MINDY4: variants seen among roughly 807,000 people sequenced by gnomAD.
MINDY4 encodes MINDY lysine 48 deubiquitinase 4.
MINDY4 carries 68 observed loss-of-function variants against 87.0 expected under a neutral mutation model. That is an observed-to-expected ratio of 0.78 (90% CI 0.64 to 0.96). The LOEUF (loss-of-function observed/expected upper bound fraction) is 0.96. MINDY4 is among the 40% of genes least tolerant of loss of function. The pLI, the probability that MINDY4 is intolerant of heterozygous loss-of-function variation, is 0.00. For missense variants in MINDY4, 919 were observed against 928.2 expected (o/e 0.99, Z 0.13); for synonymous variants, 379 against 363.2 (o/e 1.04, Z -0.50).
chr7:30,819,717 A>AT (rs1788265110), intron 5 of MINDY4, among the ~76,000 whole-genome samples: 1 of 151,938 alleles, frequency 6.6e-6, no homozygotes, highest in African/African-American at 2.4e-5. Flanking sequence ...TTTTCCTTTT[A>AT]TTATTCTCTA....
chr7:30,797,786 G>A (rs1198786413), intron 5 of MINDY4, among the ~76,000 whole-genome samples: 1 of 152,188 alleles, frequency 6.6e-6, no homozygotes, highest in African/African-American at 2.4e-5. Context: ...GAAGGCAAGT[G>A]TGGAGGCAGG....
At position 30,791,544 on chromosome 7, in the gene MINDY4, A is replaced by T. The variant is rs377214150; in HGVS notation, c.1043A>T (p.Lys348Ile). Residue 348 changes from lysine to isoleucine, a missense_variant, in exon 5 of 18, where the codon AAA (lysine) becomes ATA (isoleucine). Physicochemically the swap from Lys to Ile is moderately radical, Grantham distance 102. Transcript: ENST00000265299. Reference protein sequence around the residue: ...MTQERLERAFKRQGSQPAPVR... With the variant: ...MTQERLERAFIRQGSQPAPVR... The stretch of plus-strand genomic sequence containing the variant: ...CAGGAGAGGCTGGAAAGAGCGTTCA[A>T]ACGGCAGGGCAGCCAGCCCGCACCT... The T allele has an allele frequency of 1.2e-6, 2 of 1,613,430 alleles. No individual in the cohort carries two copies. Among genetic ancestry groups the T allele is most frequent in the African/African-American group, 2.7e-5 (2 of 75,020 alleles).
intron 5 of MINDY4, among the ~76,000 whole-genome samples, chr7:30,819,747 A>G (rs1024718581): frequency 6.6e-6 from 1 of 152,134 alleles, no homozygotes; most frequent in African/African-American, 2.4e-5. Flanking sequence ...TTTATCACTA[A>G]TAACACTTTT....
At chr7:30,810,248 C>T (rs1038987017) in intron 5 of MINDY4, among the ~76,000 whole-genome samples, 7 of 140,964 alleles carry the variant, frequency 5.0e-5, no homozygotes, top group African/African-American at 1.3e-4. Context: ...GAGTTGTCTG[C>T]GAAAGTCGTG....
intron 5 of MINDY4, among the ~76,000 whole-genome samples, chr7:30,819,209 T>TA (rs1220243142): frequency 6.6e-6 from 1 of 152,240 alleles, no homozygotes; most frequent in Non-Finnish European, 1.5e-5. Flanking sequence ...CATATTACTT[T>TA]AACTGCTTCC....
In MINDY4 at chr7:30,892,156, A is replaced by G; in HGVS notation, c.*151A>G. ...CATCCAGAGCCTCCCTGCCCCTTCCATGAAGGGCCCACCCAAGACTGTGCT... is the reference window on the plus strand; with the variant it reads ...CATCCAGAGCCTCCCTGCCCCTTCCGTGAAGGGCCCACCCAAGACTGTGCT... On this transcript the variant is annotated 3_prime_UTR_variant, in exon 18 of 18. Coordinates refer to ENST00000265299, the MANE Select transcript of MINDY4 (RefSeq NM_032222.3). 1 of 761,096 alleles carries G rather than the reference A, an allele frequency of 1.3e-6. No homozygotes were observed. Among genetic ancestry groups the G allele is most frequent in the Middle Eastern group, 3.3e-4 (1 of 3,070 alleles). 47.1% of individuals were successfully genotyped at this position (761,096 alleles called of 1,614,324 possible). A position where few individuals can be genotyped will look rare whatever the true frequency, so the allele number is the denominator to read the frequency against.
chr7:30,783,066 T>C (rs1787052037), intron 3 of MINDY4, among the ~76,000 whole-genome samples: 1 of 152,184 alleles, frequency 6.6e-6, no homozygotes, highest in South Asian at 2.1e-4. Context: ...GCAATACCAA[T>C]TTATTCTCTT....
At chr7:30,877,234 A>G (rs140527943) in intron 15 of MINDY4, among the ~76,000 whole-genome samples, 69 of 152,212 alleles carry the variant, frequency 4.5e-4, no homozygotes, top group African/African-American at 1.5e-3. Context: ...AAGAGAGGCA[A>G]CCTTGGCTAG....
intron 5 of MINDY4, among the ~76,000 whole-genome samples, chr7:30,808,001 G>GGGAA (rs1787865198): frequency 6.6e-6 from 1 of 152,172 alleles, no homozygotes; most frequent in Non-Finnish European, 1.5e-5. Flanking sequence ...TACATTTCTT[G>GGGAA]GTTCCCTGAC....
At chr7:30,782,283 C>A in intron 3 of MINDY4, 71 bp downstream of exon 3, 2 of 1,159,196 alleles carry the variant, frequency 1.7e-6, no homozygotes, top group Non-Finnish European at 2.5e-6. Flanking sequence ...TACTTCATGG[C>A]TGTTTCAGTC....
Position 30,850,506 on chromosome 7 carries a change from G to A in MINDY4, c.1498G>A (p.Ala500Thr), listed in dbSNP as rs141715166. 2.0e-5 allele frequency: 33 copies of A among 1,612,212 alleles called. No individual in the cohort carries two copies. Among genetic ancestry groups the A allele is most frequent in the African/African-American group, 5.3e-5 (4 of 74,914 alleles). The change falls in exon 10 of 18, where the codon GCA becomes ACA. Residue 500 changes from alanine (A) to threonine (T), a missense_variant. Physicochemically the swap from Ala to Thr is moderately conservative, Grantham distance 58. Transcript: ENST00000265299. ...GACCCGCTGCCTCGTCCTGGCCCTC[G>A]CAGACATTGTGTGGCGGGCAGGGGG... ...HRTRCLVLALADIVWRAGGRE... is the reference protein window; with the variant it reads ...HRTRCLVLALTDIVWRAGGRE...
chr7:30,802,857 A>G (rs1474767650), intron 5 of MINDY4, among the ~76,000 whole-genome samples: 2 of 151,888 alleles, frequency 1.3e-5, no homozygotes, highest in African/African-American at 4.8e-5. Flanking sequence ...AACCAAACCA[A>G]CCAACCAACC....
At chr7:30,837,784 C>T (rs577093607) in intron 7 of MINDY4, among the ~76,000 whole-genome samples, 216 of 152,290 alleles carry the variant, frequency 1.4e-3, no homozygotes, top group African/African-American at 4.3e-3. Context: ...GCCCAGGGCA[C>T]GTGGCCTCTG....
At position 30,823,876 on chromosome 7, in the gene MINDY4, G is replaced by A. The variant is rs138557731; in HGVS notation, c.1074-4803G>A. On this transcript the variant is annotated intron_variant, in intron 5 of 17. Transcript: ENST00000265299. ...CTTCTAGGGAATCTTGTTTGAACTG[G>A]TTTGTAGGAATGCTCTGCCAGATAA... Among the ~76,000 whole-genome samples the A allele has an allele frequency of 2.9e-3, 442 of 152,252 alleles. 2 individuals are homozygous for A. Among genetic ancestry groups the A allele is most frequent in the Middle Eastern group, 0.014 (4 of 294 alleles).
At chr7:30,844,740 C>G (rs1399463582) in intron 9 of MINDY4, among the ~76,000 whole-genome samples, 4 of 152,150 alleles carry the variant, frequency 2.6e-5, no homozygotes, top group African/African-American at 7.2e-5. Context: ...CTTTGTGCCC[C>G]TCAGCCACCC....
intron 1 of MINDY4, among the ~76,000 whole-genome samples, chr7:30,774,103 G>A (rs1347304108): frequency 6.6e-6 from 1 of 152,216 alleles, no homozygotes; most frequent in East Asian, 1.9e-4. Context: ...CCTTATGGGT[G>A]CCTGCCCACC....
chr7:30,791,590 A>G lies in MINDY4; in HGVS notation c.1073+16A>G. 1.3e-6 allele frequency: 2 copies of G among 1,587,242 alleles called. No homozygotes were observed. The highest frequency in any genetic ancestry group is 1.7e-6 in the Non-Finnish European group (2 of 1,165,980). The stretch of plus-strand genomic sequence containing the variant: ...CACCTGTCAGGTGAGTGTGCTATGC[A>G]AAGGTGACGGCTTTTCAAAAAGAAG... On this transcript the variant is annotated intron_variant, in intron 5 of 17. Transcript: ENST00000265299.
At chr7:30,890,736 G>A (rs975759026) in intron 17 of MINDY4, among the ~76,000 whole-genome samples, 9 of 152,106 alleles carry the variant, frequency 5.9e-5, no homozygotes, top group Non-Finnish European at 1.0e-4. Flanking sequence ...ACAAAGAGCC[G>A]AAGCCTAGGA....
At chr7:30,889,116 C>T (rs543109187) in intron 17 of MINDY4, among the ~76,000 whole-genome samples, 2 of 152,296 alleles carry the variant, frequency 1.3e-5, no homozygotes, top group South Asian at 4.1e-4. Context: ...CTTCTGCCAC[C>T]CTCTGGGAGT....
Sources: allele counts gnomAD v4.1 joint callset (sites outside exome capture counted in the v4.1 genomes callset), GRCh38; gene constraint gnomAD v4.1.1; transcripts MANE v1.5; gene names NCBI Gene and HGNC (gene_info 2026-07-23, HGNC 2026-07-21).